Variants in POLR2B observed in about 807,000 individuals in gnomAD.
POLR2B encodes RNA polymerase II subunit B, also known as DNA-directed RNA polymerase II subunit RPB2.
Under a neutral mutation model 144.6 loss-of-function variants are expected in POLR2B, and 57 were observed. The ratio of observed to expected loss-of-function variants is 0.39; its 90% CI spans 0.32 to 0.49. The LOEUF is 0.49. POLR2B is among the 20% of genes least tolerant of loss of function. The pLI is 0.83. For synonymous variants in POLR2B, 442 were observed against 469.8 expected, an observed-to-expected ratio of 0.94 and a Z score of 0.77; for missense variants, 595 against 1,467.4, an observed-to-expected ratio of 0.41 and a Z score of 9.71.
chr4:57,000,171 C>T (rs2109672522), intron 7 of POLR2B, among the ~76,000 whole-genome samples: 1 of 152,350 alleles, frequency 6.6e-6, no homozygotes, highest in African/African-American at 2.4e-5. Flanking sequence ...CATGGTGATT[C>T]ACGCCTATAA....
intron 16 of POLR2B, among the ~76,000 whole-genome samples, chr4:57,019,728 A>G (rs1723479648): frequency 6.8e-6 from 1 of 146,010 alleles, no homozygotes; most frequent in Non-Finnish European, 1.5e-5. Context: ...GCAGTCCTCA[A>G]TTCAAATTTT....
rs58541865 is a variant in POLR2B, at chr4:56,980,089, A to ATTT, written c.19+1101_19+1103dup. On this transcript the variant is annotated intron_variant, in intron 1 of 24. Coordinates refer to ENST00000314595, the MANE Select transcript of POLR2B (RefSeq NM_000938.3). ...TGGAAAAAATTGAAGCAAAAGCTTA[A>ATTT]TTTTTTTTTTTTTTTTTTAAGAGAT... 3.6e-3 allele frequency among the ~76,000 whole-genome samples: 498 copies of ATTT among 139,090 alleles called. 4 individuals are homozygous for ATTT. Among genetic ancestry groups the ATTT allele is most frequent in the South Asian group, 0.016 (68 of 4,336 alleles). The allele number at this position is 139,090 out of a possible 152,430, so 91.2% of individuals were successfully genotyped here.
chr4:57,021,982 CAT>C (rs1447327374), intron 17 of POLR2B, among the ~76,000 whole-genome samples, 168 bp from the exon 18 acceptor site: 9 of 152,184 alleles, frequency 5.9e-5, no homozygotes, highest in Non-Finnish European at 1.0e-4. Context: ...ATGTATAACT[CAT>C]GTGATAACAT....
At position 57,005,404 on chromosome 4, in the gene POLR2B, C is replaced by T. The variant is rs1430296819; in HGVS notation, c.1059C>T (p.Val353=). Residue 353 remains valine (V), a synonymous_variant, in exon 8 of 25, where the codon GTC becomes GTT. Transcript: ENST00000314595. ...LQKEMLPHVG[V]SDFCETKKAY... The stretch of plus-strand genomic sequence containing the variant: ...AAGAAATGCTCCCTCATGTTGGTGT[C>T]AGTGATTTTTGTGAGACCAAAAAAG... The T allele has an allele frequency of 1.3e-6, 2 of 1,597,058 alleles. No individual in the cohort carries two copies. The highest frequency in any genetic ancestry group is 1.8e-5 in the Admixed American group (1 of 55,538).
At chr4:57,010,264 A>G in intron 10 of POLR2B, 97 bp from the exon 11 acceptor site, 1 of 1,068,560 alleles carries the variant, frequency 9.4e-7, no homozygotes. Flanking sequence ...ACAGTTTGAT[A>G]CTCAGTAGAT....
chr4:57,001,889 T>C (rs1722865029), intron 7 of POLR2B, among the ~76,000 whole-genome samples: 1 of 152,242 alleles, frequency 6.6e-6, no homozygotes, highest in Admixed American at 6.5e-5. Context: ...GAAATCTTTG[T>C]CACAGATTTT....
chr4:57,024,843 C>G, intron 21 of POLR2B, 43 bp from the exon 22 acceptor site: 1 of 992,506 alleles, frequency 1.0e-6, no homozygotes, highest in Non-Finnish European at 1.6e-6. Context: ...TAGGGGGAGA[C>G]AGACTGAAGC....
chr4:56,995,578 A>C (rs905387609), intron 6 of POLR2B, among the ~76,000 whole-genome samples, 169 bp downstream of exon 6: 1 of 152,218 alleles, frequency 6.6e-6, no homozygotes, highest in Non-Finnish European at 1.5e-5. Context: ...AACATTTATC[A>C]TCTCACGGCT....
At chr4:57,007,092 G>T (rs1311699187) in intron 10 of POLR2B, 90 bp downstream of exon 10, 9 of 1,009,780 alleles carry the variant, frequency 8.9e-6, no homozygotes, top group African/African-American at 1.6e-5. Context: ...AAATTATTTT[G>T]CTTTTCTTTC....
At chr4:56,981,273 C>A (rs1722150813) in intron 1 of POLR2B, among the ~76,000 whole-genome samples, 1 of 152,034 alleles carries the variant, frequency 6.6e-6, no homozygotes, top group Non-Finnish European at 1.5e-5. Context: ...TCCCCACCCC[C>A]AGTTACTTAG....
intron 12 of POLR2B, 21 bp from the exon 13 acceptor site, chr4:57,010,968 G>A: frequency 6.2e-7 from 1 of 1,605,280 alleles, no homozygotes; most frequent in Non-Finnish European, 8.5e-7. Flanking sequence ...AGTGTAAAAT[G>A]CTTTTGCTTT....
intron 7 of POLR2B, among the ~76,000 whole-genome samples, chr4:57,004,215 C>T (rs1214447245): frequency 2.6e-5 from 4 of 151,626 alleles, no homozygotes; most frequent in Non-Finnish European, 2.9e-5. Flanking sequence ...TTAGTAGAGA[C>T]GGGGTTTCAC....
At chr4:57,012,492 C>T (rs773565913) in intron 13 of POLR2B, among the ~76,000 whole-genome samples, 7 of 152,022 alleles carry the variant, frequency 4.6e-5, no homozygotes, top group East Asian at 1.9e-4. Context: ...ATACTGTTTG[C>T]GGAATGTAGT....
intron 1 of POLR2B, among the ~76,000 whole-genome samples, chr4:56,985,088 A>G (rs551940234): frequency 3.3e-5 from 5 of 152,292 alleles, no homozygotes; most frequent in Admixed American, 6.5e-5. Context: ...AGTATTGACT[A>G]TGTCTGACAT....
In POLR2B at chr4:56,994,631, A is replaced by G. The variant is rs1578563879; in HGVS notation, c.357-16A>G. The G allele has an allele frequency of 6.4e-7, 1 of 1,553,890 alleles. No homozygotes were observed. ...ATACCCTATTGCTTAACTGTGATCT[A>G]CTTTTATTTTCAAAGGTATTCTGCT... is the stretch of plus-strand genomic sequence containing the variant. On this transcript the variant is annotated splice_polypyrimidine_tract_variant and intron_variant, in intron 4 of 24. Coordinates refer to ENST00000314595, the MANE Select transcript of POLR2B (RefSeq NM_000938.3).
chr4:56,985,756 C>A (rs1722304579), intron 1 of POLR2B, among the ~76,000 whole-genome samples: 1 of 152,192 alleles, frequency 6.6e-6, no homozygotes, highest in African/African-American at 2.4e-5. Context: ...ACAGAAACTT[C>A]ATTGCCTTTT....
At chr4:57,013,729 T>C (rs902007682) in intron 13 of POLR2B, among the ~76,000 whole-genome samples, 3 of 152,210 alleles carry the variant, frequency 2.0e-5, no homozygotes, top group Admixed American at 2.0e-4. Context: ...GTGTGTATTA[T>C]GTATTTAGCT....
At chr4:57,001,651 G>A (rs1289320717) in intron 7 of POLR2B, among the ~76,000 whole-genome samples, 11 of 152,184 alleles carry the variant, frequency 7.2e-5, no homozygotes, top group Admixed American at 7.2e-4. Context: ...GTCATGTGAT[G>A]TCATTTTGCC....
intron 10 of POLR2B, among the ~76,000 whole-genome samples, chr4:57,007,304 A>C (rs1723050760): frequency 6.6e-6 from 1 of 152,010 alleles, no homozygotes; most frequent in Admixed American, 6.6e-5. Context: ...CAGCTACTCT[A>C]CTTGGGAGGC....
Sources: allele counts gnomAD v4.1 joint callset (sites outside exome capture counted in the v4.1 genomes callset), GRCh38; gene constraint gnomAD v4.1.1; transcripts MANE v1.5; gene names NCBI Gene and HGNC (gene_info 2026-07-23, HGNC 2026-07-21).